The following MACF1 variants were observed in gnomAD, a reference collection of about 807,000 sequenced individuals.
MACF1 encodes microtubule-actin cross-linking factor 1.
In MACF1, 193 loss-of-function variants were observed where a neutral mutation model predicts 854.8. The ratio of observed to expected loss-of-function variants is 0.23; its 90% CI spans 0.20 to 0.25. The LOEUF (loss-of-function observed/expected upper bound fraction) is 0.25, where lower values mean the gene tolerates loss of function less well. Among genes scored for constraint, MACF1 ranks in the 10% least tolerant of loss-of-function variants. The pLI, the probability that MACF1 is intolerant of heterozygous loss-of-function variation, is 1.00. For missense variants in MACF1, 7,722 were observed against 8,929.1 expected, an observed-to-expected ratio of 0.86 and a Z score of 5.45; for synonymous variants, 3,185 against 3,226.7, an observed-to-expected ratio of 0.99 and a Z score of 0.44.
At chr1:39,148,061 C>CT (rs1643504515) in intron 2 of MACF1, among the ~76,000 whole-genome samples, 9 of 152,134 alleles carry the variant, frequency 5.9e-5, no homozygotes. Context: ...AATGGTGTTC[C>CT]TGCTTCTTTC....
chr1:39,397,313 G>T (rs189482010), intron 58 of MACF1, among the ~76,000 whole-genome samples: 2 of 152,166 alleles, frequency 1.3e-5, no homozygotes, highest in Non-Finnish European at 2.9e-5. Flanking sequence ...TGTCATCTCA[G>T]CACTTTGGGA....
chr1:39,276,778 C>T (rs1645446081), intron 6 of MACF1, among the ~76,000 whole-genome samples: 1 of 151,944 alleles, frequency 6.6e-6, no homozygotes, highest in African/African-American at 2.4e-5. Flanking sequence ...TTTTTTCGTC[C>T]AGAAATTAAC....
chr1:39,311,151 C>A, intron 26 of MACF1, 151 bp downstream of exon 26: 2 of 808,056 alleles, frequency 2.5e-6, no homozygotes, highest in Non-Finnish European at 3.7e-6. Flanking sequence ...ATGTCTTTTA[C>A]CCGTGGAGAA....
Position 39,327,270 on chromosome 1 carries a change from A to C in MACF1, c.4531A>C (p.Lys1511Gln), listed in dbSNP as rs982072583. 1.2e-6 allele frequency: 2 copies of C among 1,606,234 alleles called. No homozygotes were observed. The highest frequency in any genetic ancestry group is 8.5e-7 in the Non-Finnish European group (1 of 1,173,580). The change falls in exon 36 of 101, where the codon AAG becomes CAG. Residue 1511 changes from lysine (K) to glutamine (Q), a missense_variant. By Grantham distance (53) the Lys-to-Gln change is moderately conservative. Transcript: ENST00000564288. ...QISEQLNALNKAYHDLCDGSA... is the reference protein window; with the variant it reads ...QISEQLNALNQAYHDLCDGSA... ...ATCTGAGCAATTGAATGCCCTAAACAAGGCTTACCATGACCTTTGTGATGG... is the reference window on the plus strand; with the variant it reads ...ATCTGAGCAATTGAATGCCCTAAACCAGGCTTACCATGACCTTTGTGATGG...
chr1:39,158,413 T>C (rs935924648), intron 2 of MACF1, among the ~76,000 whole-genome samples: 1 of 152,222 alleles, frequency 6.6e-6, no homozygotes, highest in Non-Finnish European at 1.5e-5. Flanking sequence ...TCCGTAAACA[T>C]GACTGCTGTA....
intron 2 of MACF1, among the ~76,000 whole-genome samples, chr1:39,097,377 A>G (rs543937820): frequency 6.6e-6 from 1 of 152,220 alleles, no homozygotes; most frequent in East Asian, 1.9e-4. Flanking sequence ...AATTTCAAGG[A>G]TTCAATCTTG....
At chr1:39,309,450 C>A in intron 23 of MACF1, 120 bp from the exon 24 acceptor site, 1 of 1,192,686 alleles carries the variant, frequency 8.4e-7, no homozygotes, top group Non-Finnish European at 1.2e-6. Flanking sequence ...GACTTGTTGC[C>A]TTTCTCTGCT....
chr1:39,464,993 A>T, intron 94 of MACF1, 102 bp from the exon 95 acceptor site: 1 of 1,049,540 alleles, frequency 9.5e-7, no homozygotes, highest in South Asian at 1.3e-5. Context: ...TTTGCCAGAA[A>T]AATGTAATGA....
intron 58 of MACF1, among the ~76,000 whole-genome samples, chr1:39,421,900 C>G (rs1643551544): frequency 6.6e-6 from 1 of 152,088 alleles, no homozygotes; most frequent in Admixed American, 6.5e-5. Context: ...CGGTGAAACC[C>G]TGTCTCCACT....
At chr1:39,353,930 T>C (rs1287075984) in intron 44 of MACF1, among the ~76,000 whole-genome samples, 2 of 152,234 alleles carry the variant, frequency 1.3e-5, no homozygotes, top group Non-Finnish European at 2.9e-5. Flanking sequence ...ATTATTATAG[T>C]AGCTTCTACT....
Position 39,484,608 on chromosome 1 carries a change from C to G in MACF1, c.22289C>G (p.Pro7430Arg). The stretch of plus-strand genomic sequence containing the variant: ...TTTATTATTTTTTTTAAGGTTATCC[C>G]ATCATCAGGTAGCAAGTTGAAACGA... Reference protein sequence around the residue: ...DLQLPTPEVIPSSGSKLKRPT... With the variant: ...DLQLPTPEVIRSSGSKLKRPT... The change falls in exon 100 of 101, where the codon CCA (proline) becomes CGA (arginine). Residue 7430 changes from proline to arginine, a missense_variant. Physicochemically the swap from Pro to Arg is moderately radical, Grantham distance 103 (BLOSUM62 -2). Transcript: ENST00000564288. 6.2e-7 allele frequency: 1 copy of G among 1,612,468 alleles called. No homozygotes were observed. Among genetic ancestry groups the G allele is most frequent in the Non-Finnish European group, 8.5e-7 (1 of 1,179,308 alleles).
At chr1:39,149,509 T>TA (rs1192902789) in intron 2 of MACF1, among the ~76,000 whole-genome samples, 2 of 151,336 alleles carry the variant, frequency 1.3e-5, no homozygotes, top group Non-Finnish European at 1.5e-5. Flanking sequence ...GCCTGGGTGA[T>TA]AGAGTGAGAC....
At chr1:39,228,089 T>A (rs1386852783) in intron 1 of MACF1, among the ~76,000 whole-genome samples, 1 of 152,136 alleles carries the variant, frequency 6.6e-6, no homozygotes, top group African/African-American at 2.4e-5. Flanking sequence ...CGCGGGTGGA[T>A]CACCTGAGGT....
chr1:39,282,023 CCT>C (rs1645557764), intron 6 of MACF1, among the ~76,000 whole-genome samples, 183 bp from the exon 7 acceptor site: 2 of 152,066 alleles, frequency 1.3e-5, no homozygotes, highest in Admixed American at 1.3e-4. Flanking sequence ...TGAAAAATTA[CCT>C]CTCATGGTTT....
chr1:39,241,903 T>G (rs1180657055), intron 2 of MACF1, among the ~76,000 whole-genome samples: 1 of 152,192 alleles, frequency 6.6e-6, no homozygotes, highest in East Asian at 1.9e-4. Flanking sequence ...TTTTCTCATC[T>G]GTAAACTGAG....
intron 2 of MACF1, among the ~76,000 whole-genome samples, chr1:39,234,725 C>T (rs1265347350): frequency 7.5e-6 from 1 of 134,038 alleles, no homozygotes; most frequent in African/African-American, 2.8e-5. Context: ...GGCTGCCGGG[C>T]GGAGGGGCTC....
Position 39,084,288 on chromosome 1 carries a change from C to CGGTCTTGTCG in MACF1, c.71_72insGTCTTGTCGG (p.Tyr26CysfsTer29). ...GAGTGAGCGGTCTTGTCGGAGTGAG[C>CGGTCTTGTCG]GATCTTACAGGAGCGAGCGGTCGGG... On this transcript the variant is annotated frameshift_variant, in exon 2 of 94. Transcript: ENST00000361689. LOFTEE classifies it high-confidence loss of function. The surrounding 1 kb of genome is among the most constrained non-coding windows in gnomAD (Gnocchi z 5.2). 2 of 1,613,940 alleles carry CGGTCTTGTCG rather than the reference C, an allele frequency of 1.2e-6. No individual in the cohort carries two copies. The highest frequency in any genetic ancestry group is 1.7e-6 in the Non-Finnish European group (2 of 1,179,982).
intron 22 of MACF1, 97 bp downstream of exon 22, chr1:39,300,459 G>A (rs1474912747): frequency 8.1e-6 from 10 of 1,242,010 alleles, no homozygotes; most frequent in Non-Finnish European, 9.7e-6. Context: ...TCAAATTACA[G>A]CGTTTTTAAA....
intron 23 of MACF1, among the ~76,000 whole-genome samples, chr1:39,307,901 C>CTTTCTTTTTTTTTTTT (rs1222230255): frequency 7.9e-5 from 4 of 50,408 alleles, no homozygotes; most frequent in East Asian, 6.9e-4. Flanking sequence ...TTCTTTCTTT[C>CTTTCTTTTTTTTTTTT]TTTTTTTTTT....
Sources: gnomAD v4.1 joint callset for allele counts (sites outside exome capture counted in the v4.1 genomes callset) on GRCh38, gnomAD v4.1.1 for gene constraint, Gnocchi (gnomAD v3.1) non-coding constraint, MANE v1.5 for transcripts, NCBI Gene and HGNC (gene_info 2026-07-23, HGNC 2026-07-21) for gene names.